Variants in PHC1 observed in about 807,000 individuals in gnomAD.
PHC1 encodes polyhomeotic-like protein 1.
A neutral mutation model predicts 104.3 loss-of-function variants in PHC1; 12 were observed. The observed-to-expected ratio is 0.12, with a 90% confidence interval of 0.07 to 0.19. The LOEUF is 0.19. Among genes scored for constraint, PHC1 ranks in the 10% least tolerant of loss-of-function variants. The pLI is 1.00. For missense variants in PHC1, 671 were observed against 1,200.0 expected, an observed-to-expected ratio of 0.56 and a Z score of 6.51; for synonymous variants, 302 against 455.8, an observed-to-expected ratio of 0.66 and a Z score of 4.30.
intron 6 of PHC1, among the ~76,000 whole-genome samples, chr12:8,925,409 A>G (rs1945488322): frequency 6.6e-6 from 1 of 152,176 alleles, no homozygotes; most frequent in Non-Finnish European, 1.5e-5. Flanking sequence ...CAGACATTAA[A>G]CTGATAGTCA....
At chr12:8,938,099 C>A in intron 14 of PHC1, 39 bp downstream of exon 14, 1 of 1,423,430 alleles carries the variant, frequency 7.0e-7, no homozygotes, top group East Asian at 2.3e-5. Flanking sequence ...GGTTGTTTTC[C>A]TTAACATCAT....
In PHC1 at chr12:8,922,724, T is replaced by C; in HGVS notation, c.548T>C (p.Val183Ala). The change falls in exon 6 of 15, where the codon GTG becomes GCG. Residue 183 changes from valine to alanine, a missense_variant. Physicochemically the swap from Val to Ala is moderately conservative, Grantham distance 64 (BLOSUM62 0). This residue lies in a region of PHC1 where 237 missense variants were observed against 331.1 expected (regional missense o/e 0.72). Transcript: ENST00000544916. ...CTCATCCTGATGCCTAATGGGGCGG[T>C]GGCTGCAGTCCAGCAGGAGGTGCCA... ...SQLILMPNGA[V>A]AAVQQEVPSA... is the part of the protein sequence containing the mutation. 1.2e-6 allele frequency: 2 copies of C among 1,611,970 alleles called. No individual in the cohort carries two copies. Among genetic ancestry groups the C allele is most frequent in the South Asian group, 2.2e-5 (2 of 90,348 alleles).
At chr12:8,934,510 A>AG in intron 10 of PHC1, 32 bp downstream of exon 10, 1 of 1,525,308 alleles carries the variant, frequency 6.6e-7, no homozygotes, top group Non-Finnish European at 9.0e-7. Context: ...GGGACTTTGA[A>AG]GTGGGGACTT....
chr12:8,927,729 G>T (rs1945556228), intron 6 of PHC1, among the ~76,000 whole-genome samples: 1 of 152,276 alleles, frequency 6.6e-6, no homozygotes, highest in Admixed American at 6.5e-5. Flanking sequence ...ATAATTGCCA[G>T]ATAATATTAT....
At chr12:8,917,005 A>G (rs1433010572) in intron 1 of PHC1, among the ~76,000 whole-genome samples, 1 of 152,244 alleles carries the variant, frequency 6.6e-6, no homozygotes, top group African/African-American at 2.4e-5. Flanking sequence ...ATAGTGAATG[A>G]CACTGCCTTA....
intron 13 of PHC1, 50 bp downstream of exon 13, chr12:8,937,376 CTT>C (rs750356292): frequency 1.9e-5 from 28 of 1,496,602 alleles, no homozygotes; most frequent in Non-Finnish European, 2.2e-5. Flanking sequence ...GTCTTTTTTT[CTT>C]TCCCTGCAGG....
chr12:8,936,474 A>G (rs1945841652), intron 11 of PHC1, among the ~76,000 whole-genome samples: 1 of 152,220 alleles, frequency 6.6e-6, no homozygotes, highest in Non-Finnish European at 1.5e-5. Flanking sequence ...ATCTATCTTA[A>G]GGACTCTTAC....
chr12:8,933,589 T>G, intron 8 of PHC1: 1 of 637,428 alleles, frequency 1.6e-6, no homozygotes, highest in Non-Finnish European at 2.6e-6. Flanking sequence ...CAAGATAGCC[T>G]TAACCAAATC....
At chr12:8,920,407 G>A (rs1378983973) in intron 3 of PHC1, among the ~76,000 whole-genome samples, 1 of 152,108 alleles carries the variant, frequency 6.6e-6, no homozygotes, top group Admixed American at 6.5e-5. Flanking sequence ...GATATGACCT[G>A]ACCAAAAGAT....
Position 8,934,247 on chromosome 12 carries a change from A to G in PHC1, c.2042-20A>G. The stretch of plus-strand genomic sequence containing the variant: ...ATATGTCATCTCATGTCTGTTGCTT[A>G]ATCTGTGTTTGTTTTCCAGAAAAAG... On this transcript the variant is annotated intron_variant, in intron 9 of 14. Transcript: ENST00000544916. 6.3e-7 allele frequency: 1 copy of G among 1,584,984 alleles called. No individual in the cohort carries two copies. The highest frequency in any genetic ancestry group is 8.7e-7 in the Non-Finnish European group (1 of 1,154,572).
rs1019538931 is a variant in PHC1, at chr12:8,935,364, G to T, written c.2368+126G>T. 16 of 575,860 alleles carry T rather than the reference G, an allele frequency of 2.8e-5. No homozygotes were observed. In the African/African-American group the frequency reaches 3.1e-4, roughly 11 times the overall value. The allele number at this position is 575,860 out of a possible 1,614,324, so 35.7% of individuals were successfully genotyped here. A position where few individuals can be genotyped will look rare whatever the true frequency, so the allele number is the denominator to read the frequency against. ...AATGAGGCCTGGCACAGTGGCTCAT[G>T]CCTGTAATCCCAGCACTTTGGGAGG... On this transcript the variant is annotated intron_variant, in intron 11 of 14. Transcript: ENST00000544916.
At chr12:8,931,869 T>C (rs981828719) in intron 7 of PHC1, among the ~76,000 whole-genome samples, 8 of 152,260 alleles carry the variant, frequency 5.3e-5, no homozygotes, top group African/African-American at 1.9e-4. Context: ...GGTATTTATA[T>C]ACTCTAGCAG....
At position 8,920,975 on chromosome 12, in the gene PHC1, C is replaced by T. The variant is rs780161332; in HGVS notation, c.226-10C>T. ...CTTTGCTATTTCTTGTTTCCCTTCC[C>T]CTTTAATAGGCCACAATTGCTGCCA... is the stretch of plus-strand genomic sequence containing the variant. On this transcript the variant is annotated splice_polypyrimidine_tract_variant and intron_variant, in intron 3 of 14. Coordinates refer to ENST00000544916, the MANE Select transcript of PHC1 (RefSeq NM_004426.3). The T allele has an allele frequency of 4.4e-6, 7 of 1,605,614 alleles. No individual in the cohort carries two copies. The highest frequency in any genetic ancestry group is 6.0e-6 in the Non-Finnish European group (7 of 1,175,080).
At chr12:8,938,680 A>G (rs1036750951) in intron 14 of PHC1, among the ~76,000 whole-genome samples, 3 of 152,136 alleles carry the variant, frequency 2.0e-5, no homozygotes, top group Admixed American at 2.0e-4. Context: ...AAAATATCAC[A>G]AAGAATCTTT....
At position 8,934,548 on chromosome 12, in the gene PHC1, A is replaced by G. The variant is rs577944634; in HGVS notation, c.2253+70A>G. On this transcript the variant is annotated intron_variant, in intron 10 of 14. Coordinates refer to ENST00000544916, the MANE Select transcript of PHC1 (RefSeq NM_004426.3). ...TCTGATTGTTGTCTTTTCAAACTCCAGTAAAAGTAAAAGGCACAGAACTAT... is the reference window on the plus strand; with the variant it reads ...TCTGATTGTTGTCTTTTCAAACTCCGGTAAAAGTAAAAGGCACAGAACTAT... 15 of 1,014,438 alleles carry G rather than the reference A, an allele frequency of 1.5e-5. No homozygotes were observed. In the South Asian group the frequency reaches 1.8e-4, roughly 12 times the overall value. 62.8% of individuals were successfully genotyped at this position (1,014,438 alleles called of 1,614,324 possible).
In PHC1 at chr12:8,935,212, C is replaced by T. The variant is rs1218224738; in HGVS notation, c.2342C>T (p.Pro781Leu). 4.4e-6 allele frequency: 7 copies of T among 1,583,000 alleles called. No individual in the cohort carries two copies. The highest frequency in any genetic ancestry group is 6.0e-6 in the Non-Finnish European group (7 of 1,159,568). The part of the protein sequence containing the change: ...TGLTENQSGG[P>L]LGVDSPSAEL... ...CTGACTGAGAATCAGTCAGGTGGCC[C>T]TTTGGGAGTGGACAGCCCATCTGCT... The change falls in exon 11 of 15, where the codon CCT becomes CTT. Residue 781 changes from proline (P) to leucine (L), a missense_variant. Physicochemically the swap from Pro to Leu is moderately conservative, Grantham distance 98. Coordinates refer to ENST00000544916, the MANE Select transcript of PHC1 (RefSeq NM_004426.3).
At chr12:8,935,319 A>G in intron 11 of PHC1, 81 bp downstream of exon 11, 1 of 665,830 alleles carries the variant, frequency 1.5e-6, no homozygotes, top group Non-Finnish European at 2.5e-6. Context: ...AATAGTAGTT[A>G]CCTATTTATT....
chr12:8,937,472 C>CT (rs1279078895), intron 13 of PHC1, 146 bp downstream of exon 13: 2 of 775,104 alleles, frequency 2.6e-6, no homozygotes, highest in African/African-American at 3.5e-5. Flanking sequence ...CCAAGAGATC[C>CT]TGACCCCCTT....
Position 8,933,893 on chromosome 12 carries a change from G to A in PHC1, c.1922G>A (p.Arg641His). 3.7e-6 allele frequency: 6 copies of A among 1,613,216 alleles called. No individual in the cohort carries two copies. Among genetic ancestry groups the A allele is most frequent in the Non-Finnish European group, 3.4e-6 (4 of 1,179,180 alleles). ...PGKPQTLAVK[R>H]KADSEEERDD... ...AAACCCCAGACATTGGCTGTCAAACGCAAGGCTGACTCTGAGGAGGAGAGA... is the reference window on the plus strand; with the variant it reads ...AAACCCCAGACATTGGCTGTCAAACACAAGGCTGACTCTGAGGAGGAGAGA... The change falls in exon 9 of 15, where the codon CGC (arginine) becomes CAC (histidine). Residue 641 changes from arginine to histidine, a missense_variant. Physicochemically the swap from Arg to His is conservative, Grantham distance 29. Transcript: ENST00000544916.
Sources: allele counts gnomAD v4.1 joint callset (sites outside exome capture counted in the v4.1 genomes callset), GRCh38; gene constraint gnomAD v4.1.1; regional missense constraint gnomAD v4.1.1; transcripts MANE v1.5; gene names NCBI Gene and HGNC (gene_info 2026-07-23, HGNC 2026-07-21).